The following PCDH9 variants were observed in gnomAD, a reference collection of about 807,000 sequenced individuals.
The protein encoded by PCDH9 is protocadherin 9.
A neutral mutation model predicts 70.6 loss-of-function variants in PCDH9; 24 were observed. The ratio of observed to expected loss-of-function variants is 0.34; its 90% CI spans 0.25 to 0.48. The LOEUF (loss-of-function observed/expected upper bound fraction) is 0.48, where lower values mean the gene tolerates loss of function less well. PCDH9 is among the 20% of genes least tolerant of loss of function. PCDH9 has a pLI of 0.99. For missense variants in PCDH9, 1,281 were observed against 1,503.6 expected, an observed-to-expected ratio of 0.85 and a Z score of 2.45; for synonymous variants, 562 against 558.5, an observed-to-expected ratio of 1.01 and a Z score of -0.09.
chr13:66,437,819 C>T (rs1957901258), intron 4 of PCDH9, among the ~76,000 whole-genome samples: 1 of 152,100 alleles, frequency 6.6e-6, no homozygotes, highest in South Asian at 2.1e-4. Context: ...TAATTTCATA[C>T]TTATGTTGAC....
At position 66,633,413 on chromosome 13, in the gene PCDH9, G is replaced by A. The variant is rs200822239; in HGVS notation, c.3139-2002C>T. ...CATGCTACCATGTTTATTTATTGTA[G>A]TGTTTACTCTCTTATATATATTTAA... On this transcript the variant is annotated intron_variant, in intron 3 of 4. Transcript: ENST00000377865. Among the ~76,000 whole-genome samples the A allele has an allele frequency of 3.9e-5, 6 of 152,174 alleles. No individual in the cohort carries two copies. The East Asian group carries it at 7.7e-4, about 20-fold the overall frequency.
In PCDH9 at chr13:66,656,994, G is replaced by A. The variant is rs117446697; in HGVS notation, c.3139-25583C>T. On this transcript the variant is annotated intron_variant, in intron 3 of 4. Transcript: ENST00000377865. ...GCAGAAGAGCAAGTCAGAGCAAGAG[G>A]AACAAGGAAAAGAAAACAACAGAAA... 2.0e-3 allele frequency among the ~76,000 whole-genome samples: 307 copies of A among 152,214 alleles called. 1 individual carries two copies. Among genetic ancestry groups the A allele is most frequent in the South Asian group, 3.5e-3 (17 of 4,826 alleles).
At chr13:67,168,296 G>A (rs1273212105) in intron 2 of PCDH9, among the ~76,000 whole-genome samples, 1 of 152,134 alleles carries the variant, frequency 6.6e-6, no homozygotes, top group Non-Finnish European at 1.5e-5. Flanking sequence ...TATTGCTGCA[G>A]TTCAGGAACA....
At chr13:66,561,225 C>T (rs1260515280) in intron 4 of PCDH9, among the ~76,000 whole-genome samples, 2 of 152,202 alleles carry the variant, frequency 1.3e-5, no homozygotes, top group East Asian at 1.9e-4. Context: ...CTGCTGTGCT[C>T]AATTTCTCAC....
intron 4 of PCDH9, among the ~76,000 whole-genome samples, chr13:66,391,627 C>T (rs1013343271): frequency 2.6e-5 from 4 of 151,944 alleles, no homozygotes; most frequent in Admixed American, 2.0e-4. Context: ...TGCAATTTTT[C>T]CCCCAATTCA....
intron 2 of PCDH9, chr13:67,216,683 CATATATATATATAT>C (rs34829318): frequency 4.4e-5 from 4 of 90,710 alleles, no homozygotes; most frequent in African/African-American, 1.5e-4. Context: ...TCTTAAGCAA[CATATATATATATAT>C]ATATATATAT....
At chr13:66,821,513 T>C (rs989167474) in intron 3 of PCDH9, among the ~76,000 whole-genome samples, 4 of 152,280 alleles carry the variant, frequency 2.6e-5, no homozygotes, top group African/African-American at 9.6e-5. Flanking sequence ...TACCAAGTAC[T>C]TAGTCAGTAT....
At chr13:66,997,964 G>C (rs752425195) in intron 2 of PCDH9, among the ~76,000 whole-genome samples, 5 of 152,208 alleles carry the variant, frequency 3.3e-5, no homozygotes, top group Non-Finnish European at 7.3e-5. Flanking sequence ...AAACCTGTCA[G>C]TTTGTGTTTG....
intron 3 of PCDH9, among the ~76,000 whole-genome samples, chr13:66,772,349 C>A (rs1480337477): frequency 6.6e-6 from 1 of 152,188 alleles, no homozygotes; most frequent in African/African-American, 2.4e-5. Context: ...AGTTAACTTA[C>A]ATCTCATTAT....
rs144578776 is a variant in PCDH9, at chr13:66,982,151, A to G, written c.3037-78546T>C. Among the ~76,000 whole-genome samples the G allele has an allele frequency of 7.8e-4, 119 of 152,242 alleles. 1 individual carries two copies. The highest frequency in any genetic ancestry group is 2.6e-3 in the African/African-American group (110 of 41,530). Reference sequence around the variant, plus strand: ...TCTCTCTCTTGCTCCTGCTTTCACAATGTGAAGTGCCTGCTCCGGCTTCGC... The same window carrying G: ...TCTCTCTCTTGCTCCTGCTTTCACAGTGTGAAGTGCCTGCTCCGGCTTCGC... On this transcript the variant is annotated intron_variant, in intron 2 of 4. Coordinates refer to ENST00000377865, the MANE Select transcript of PCDH9 (RefSeq NM_203487.3).
At chr13:67,021,113 T>G (rs377126492) in intron 2 of PCDH9, among the ~76,000 whole-genome samples, 5 of 152,342 alleles carry the variant, frequency 3.3e-5, no homozygotes, top group African/African-American at 1.2e-4. Flanking sequence ...TCCTTTACAT[T>G]TCTTGCCATT....
intron 3 of PCDH9, among the ~76,000 whole-genome samples, chr13:66,779,437 T>G (rs1320084184): frequency 1.3e-5 from 2 of 152,132 alleles, no homozygotes; most frequent in African/African-American, 4.8e-5. Context: ...TCTGCCTCAT[T>G]GGATAAGCCT....
intron 3 of PCDH9, among the ~76,000 whole-genome samples, chr13:66,719,120 G>A (rs1037991775): frequency 6.6e-6 from 1 of 152,172 alleles, no homozygotes; most frequent in African/African-American, 2.4e-5. Context: ...AGATGTAGTC[G>A]AAGATGTGGT....
chr13:66,933,886 G>A, intron 2 of PCDH9, among the ~76,000 whole-genome samples: 1 of 117,978 alleles, frequency 8.5e-6, no homozygotes, highest in African/African-American at 3.4e-5. Flanking sequence ...AAAAACATAA[G>A]CTAGGCAAAA....
At chr13:66,705,930 T>C (rs561859630) in intron 3 of PCDH9, among the ~76,000 whole-genome samples, 3 of 152,216 alleles carry the variant, frequency 2.0e-5, no homozygotes, top group Non-Finnish European at 4.4e-5. Flanking sequence ...CCTGGCCCTG[T>C]AAGCATCTGA....
intron 3 of PCDH9, among the ~76,000 whole-genome samples, chr13:66,682,531 G>C (rs2078342585): frequency 6.6e-6 from 1 of 151,946 alleles, no homozygotes; most frequent in South Asian, 2.1e-4. Flanking sequence ...CAGTTTCGGA[G>C]TTGAGTCCAC....
intron 4 of PCDH9, among the ~76,000 whole-genome samples, chr13:66,361,193 A>G (rs1261128932): frequency 6.6e-6 from 1 of 152,118 alleles, no homozygotes; most frequent in East Asian, 1.9e-4. Flanking sequence ...TCCAACAGGA[A>G]GAGTTGTGCA....
chr13:67,059,378 A>ATATATAG (rs1286434087), intron 2 of PCDH9, among the ~76,000 whole-genome samples: 23 of 146,528 alleles, frequency 1.6e-4, no homozygotes, highest in African/African-American at 5.7e-4. Context: ...GTGTATATAT[A>ATATATAG]TATATAGTAT....
chr13:66,909,333 A>T (rs955620435), intron 2 of PCDH9, among the ~76,000 whole-genome samples: 1 of 152,174 alleles, frequency 6.6e-6, no homozygotes, highest in Non-Finnish European at 1.5e-5. Flanking sequence ...ATGTTCATAG[A>T]TTGGAAGGAT....
Sources: allele counts gnomAD v4.1 joint callset (sites outside exome capture counted in the v4.1 genomes callset), GRCh38; gene constraint gnomAD v4.1.1; transcripts MANE v1.5; gene names NCBI Gene and HGNC (gene_info 2026-07-23, HGNC 2026-07-21).